KBTBD13: variants seen among roughly 807,000 people sequenced by gnomAD.
KBTBD13 encodes the protein kelch repeat and BTB domain-containing protein 13.
Under a neutral mutation model 25.4 loss-of-function variants are expected in KBTBD13, and 32 were observed. The ratio of observed to expected loss-of-function variants is 1.26; its 90% confidence interval spans 0.95 to 1.69. KBTBD13 has a LOEUF of 1.69. KBTBD13 is among the 40% of genes most tolerant of loss of function. The pLI, the probability that KBTBD13 is intolerant of heterozygous loss-of-function variation, is 0.00. For missense variants in KBTBD13, 898 were observed against 679.5 expected (o/e 1.32, Z -3.57); for synonymous variants, 436 against 329.8 (o/e 1.32, Z -3.49).
chr15:65,077,138 T>C lies in KBTBD13; in HGVS notation c.323T>C (p.Leu108Ser), dbSNP rs1485345007. 6.6e-7 allele frequency: 1 copy of C among 1,517,828 alleles called. No individual in the cohort carries two copies. The highest frequency in any genetic ancestry group is 2.0e-5 in the Admixed American group (1 of 49,210). 94.0% of individuals were successfully genotyped at this position (1,517,828 alleles called of 1,614,324 possible). A position where few individuals can be genotyped will look rare whatever the true frequency, so the allele number is the denominator to read the frequency against. The change falls in exon 1 of 1, where the codon TTG (leucine) becomes TCG (serine). Residue 108 changes from leucine (L) to serine (S), a missense_variant. Transcript: ENST00000432196. ...AACCTCACGTCGGACAACTGCGCAT[T>C]GCTGTGCGACGCGGCCGCCGCCTTC... is the stretch of plus-strand genomic sequence containing the variant. ...EHNLTSDNCA[L>S]LCDAAAAFGL...
Position 65,076,983 on chromosome 15 carries a change from A to C in KBTBD13, c.168A>C (p.Gly56=), listed in dbSNP as rs1339755233. 1 of 1,538,386 alleles carries C rather than the reference A, an allele frequency of 6.5e-7. No homozygotes were observed. Residue 56 remains glycine (G), a synonymous_variant, in exon 1 of 1, where the codon GGA becomes GGC. Coordinates refer to ENST00000432196, the MANE Select transcript of KBTBD13 (RefSeq NM_001101362.3). ...TGCGCCTGGGCGTTCTGAGCGCGGG[A>C]GGTTTCCGCGCCACGCTGCAGGTGC... ...AEVRLGVLSA[G]GFRATLQVLR... is the part of the protein sequence containing the mutation.
In KBTBD13 at chr15:65,077,226, G is replaced by C. The variant is rs944865368; in HGVS notation, c.411G>C (p.Ala137=). The C allele has an allele frequency of 1.4e-6, 2 of 1,441,066 alleles. No homozygotes were observed. The highest frequency in any genetic ancestry group is 1.8e-6 in the Non-Finnish European group (2 of 1,098,580). 89.3% of individuals were successfully genotyped at this position (1,441,066 alleles called of 1,614,324 possible). A position where few individuals can be genotyped will look rare whatever the true frequency, so the allele number is the denominator to read the frequency against. ...TCTGCGACGGCGAGCGCGAGCTGGC[G>C]GCCGAACTGGCGCTGCCTGAGGCCC... ...LFICDGEREL[A]AELALPEARA... is the part of the protein sequence containing the mutation. The change falls in exon 1 of 1, where the codon GCG becomes GCC. Residue 137 remains alanine, a synonymous_variant. Transcript: ENST00000432196.
Position 65,077,592 on chromosome 15 carries a change from C to T in KBTBD13, c.777C>T (p.Arg259=). The change falls in exon 1 of 1, where the codon CGC becomes CGT. Residue 259 remains arginine, a synonymous_variant. Coordinates refer to ENST00000432196, the MANE Select transcript of KBTBD13 (RefSeq NM_001101362.3). The part of the protein sequence containing the change: ...YDTALAGFDG[R]LYAIGGEFQR... ...CAGCGCTGGCCGGCTTCGACGGCCG[C>T]CTCTACGCCATCGGCGGCGAATTCC... 6.4e-7 allele frequency: 1 copy of T among 1,572,184 alleles called. No individual in the cohort carries two copies. The highest frequency in any genetic ancestry group is 1.7e-4 in the Middle Eastern group (1 of 5,992).
At position 65,077,197 on chromosome 15, in the gene KBTBD13, T is replaced by C. The variant is rs572875121; in HGVS notation, c.382T>C (p.Phe128Leu). The C allele has an allele frequency of 2.1e-5, 31 of 1,459,006 alleles. No individual in the cohort carries two copies. In the African/African-American group the frequency reaches 3.7e-4, roughly 17 times the overall value. The allele number at this position is 1,459,006 out of a possible 1,614,324, so 90.4% of individuals were successfully genotyped here. ...LRDVFHSAALFICDGERELAA... is the reference protein window; with the variant it reads ...LRDVFHSAALLICDGERELAA... ...CGACGTGTTCCACAGTGCCGCGCTC[T>C]TCATCTGCGACGGCGAGCGCGAGCT... The change falls in exon 1 of 1, where the codon TTC becomes CTC. Residue 128 changes from phenylalanine (F) to leucine (L), a missense_variant. Coordinates refer to ENST00000432196, the MANE Select transcript of KBTBD13 (RefSeq NM_001101362.3).
Position 65,077,061 on chromosome 15 carries a change from G to C in KBTBD13, c.246G>C (p.Val82=), listed in dbSNP as rs115182478. 2,238 of 1,512,498 alleles carry C rather than the reference G, an allele frequency of 1.5e-3. 27 individuals are homozygous for C. In the African/African-American group the frequency reaches 0.023, roughly 16 times the overall value. The allele number at this position is 1,512,498 out of a possible 1,614,324, so 93.7% of individuals were successfully genotyped here. The stretch of plus-strand genomic sequence containing the variant: ...CGGAGGACGAGCTGCTGCAGGCCGT[G>C]GAGTGCGCCGCCTTCCTCCAGGCGC... The part of the protein sequence containing the change: ...LAAEDELLQA[V]ECAAFLQAPA... The change falls in exon 1 of 1, where the codon GTG becomes GTC. Residue 82 remains valine, a synonymous_variant. Coordinates refer to ENST00000432196, the MANE Select transcript of KBTBD13 (RefSeq NM_001101362.3).
rs748599461 is a variant in KBTBD13 at position 65,078,595 on chromosome 15, C to A, written c.*403C>A. Among the ~76,000 whole-genome samples, 31 of 152,154 alleles carry A rather than the reference C, an allele frequency of 2.0e-4. No homozygotes were observed. Among genetic ancestry groups the A allele is most frequent in the Non-Finnish European group, 3.5e-4 (24 of 68,036 alleles). ...TTATGCGTAATGAGAGCCGTAGTTG[C>A]CACACAGGGATCCAGGAAGCTTAAA... On this transcript the variant is annotated 3_prime_UTR_variant, in exon 1 of 1. Transcript: ENST00000432196.
chr15:65,076,758 G>C lies in KBTBD13; in HGVS notation c.-58G>C. On this transcript the variant is annotated 5_prime_UTR_variant, in exon 1 of 1. Coordinates refer to ENST00000432196, the MANE Select transcript of KBTBD13 (RefSeq NM_001101362.3). Reference sequence around the variant, plus strand: ...AGTTTTTTGCTCCAGGGGAGCCCCAGAGTTGGTGGCTGGCTAACCCAAGGC... The same window carrying C: ...AGTTTTTTGCTCCAGGGGAGCCCCACAGTTGGTGGCTGGCTAACCCAAGGC... The C allele has an allele frequency of 6.9e-7, 1 of 1,451,958 alleles. No homozygotes were observed. The highest frequency in any genetic ancestry group is 9.1e-7 in the Non-Finnish European group (1 of 1,097,532). 89.9% of individuals were successfully genotyped at this position (1,451,958 alleles called of 1,614,324 possible).
At position 65,079,285 on chromosome 15, in the gene KBTBD13, A is replaced by G. The variant is rs1043802907; in HGVS notation, c.*1093A>G. Among the ~76,000 whole-genome samples, 10 of 151,966 alleles carry G rather than the reference A, an allele frequency of 6.6e-5. 1 individual carries two copies. The highest frequency in any genetic ancestry group is 1.7e-4 in the African/African-American group (7 of 41,360). On this transcript the variant is annotated 3_prime_UTR_variant, in exon 1 of 1. Transcript: ENST00000432196. The stretch of plus-strand genomic sequence containing the variant: ...TTCCTGTCCTATTCTGCCCTTTGCA[A>G]TTCCCTGGGCTGGAATGCCTAGTCT...
In KBTBD13 at chr15:65,076,980, G is replaced by T; in HGVS notation, c.165G>T (p.Ala55=). The change falls in exon 1 of 1, where the codon GCG becomes GCT. Residue 55 remains alanine, a synonymous_variant. Coordinates refer to ENST00000432196, the MANE Select transcript of KBTBD13 (RefSeq NM_001101362.3). ...AAEVRLGVLS[A]GGFRATLQVL... ...AGGTGCGCCTGGGCGTTCTGAGCGC[G>T]GGAGGTTTCCGCGCCACGCTGCAGG... 6.5e-7 allele frequency: 1 copy of T among 1,540,490 alleles called. No homozygotes were observed. The highest frequency in any genetic ancestry group is 8.7e-7 in the Non-Finnish European group (1 of 1,149,628).
In KBTBD13 at chr15:65,077,340, C is replaced by T. The variant is rs1373801213; in HGVS notation, c.525C>T (p.Arg175=). 1 of 1,465,386 alleles carries T rather than the reference C, an allele frequency of 6.8e-7. No homozygotes were observed. Among genetic ancestry groups the T allele is most frequent in the Non-Finnish European group, 9.0e-7 (1 of 1,109,468 alleles). 90.8% of individuals were successfully genotyped at this position (1,465,386 alleles called of 1,614,324 possible). A position where few individuals can be genotyped will look rare whatever the true frequency, so the allele number is the denominator to read the frequency against. The change falls in exon 1 of 1, where the codon CGC becomes CGT. Residue 175 remains arginine (R), a synonymous_variant. Coordinates refer to ENST00000432196, the MANE Select transcript of KBTBD13 (RefSeq NM_001101362.3). ...CCGGCTTCCTGGAGGACGCCTCGCG[C>T]ACGCTGTGTTACCTGGACGAGGAAG... The part of the protein sequence containing the change: ...PAPGFLEDAS[R]TLCYLDEEED...
rs771468637 is a variant in KBTBD13 at position 65,077,703 on chromosome 15, C to CG, written c.890dup (p.Val298ArgfsTer104). 1.6e-5 allele frequency: 25 copies of CG among 1,578,958 alleles called. No homozygotes were observed. Among genetic ancestry groups the CG allele is most frequent in the African/African-American group, 2.7e-5 (2 of 74,176 alleles). ...TGGCCGACCTGCCGCAGCCGGCCGC[C>CG]GGCGTGCCCTGCGCCCAGGCTTGTG... is the stretch of plus-strand genomic sequence containing the variant. On this transcript the variant is annotated frameshift_variant, in exon 1 of 1. Transcript: ENST00000432196. LOFTEE classifies it high-confidence loss of function.
Position 65,077,196 on chromosome 15 carries a change from C to T in KBTBD13, c.381C>T (p.Leu127=), listed in dbSNP as rs748278001. The change falls in exon 1 of 1, where the codon CTC becomes CTT. Residue 127 remains leucine, a synonymous_variant. Coordinates refer to ENST00000432196, the MANE Select transcript of KBTBD13 (RefSeq NM_001101362.3). The stretch of plus-strand genomic sequence containing the variant: ...GCGACGTGTTCCACAGTGCCGCGCT[C>T]TTCATCTGCGACGGCGAGCGCGAGC... ...GLRDVFHSAA[L]FICDGERELA... 1.4e-6 allele frequency: 2 copies of T among 1,460,166 alleles called. No individual in the cohort carries two copies. Among genetic ancestry groups the T allele is most frequent in the African/African-American group, 1.5e-5 (1 of 67,640 alleles). 90.5% of individuals were successfully genotyped at this position (1,460,166 alleles called of 1,614,324 possible).
Position 65,078,092 on chromosome 15 carries a change from A to C in KBTBD13, c.1277A>C (p.Glu426Ala), listed in dbSNP as rs1195181970. The change falls in exon 1 of 1, where the codon GAG (glutamate) becomes GCG (alanine). Residue 426 changes from glutamate to alanine, a missense_variant. Physicochemically the swap from Glu to Ala is moderately radical, Grantham distance 107. Coordinates refer to ENST00000432196, the MANE Select transcript of KBTBD13 (RefSeq NM_001101362.3). ...IEGGTWRLLR[E>A]KAGFPRPGSL... Reference sequence around the variant, plus strand: ...GGCGGCACCTGGCGGCTGCTCAGGGAGAAAGCCGGCTTCCCGCGGCCCGGC... The same window carrying C: ...GGCGGCACCTGGCGGCTGCTCAGGGCGAAAGCCGGCTTCCCGCGGCCCGGC... The C allele has an allele frequency of 6.3e-7, 1 of 1,592,376 alleles. No individual in the cohort carries two copies. The highest frequency in any genetic ancestry group is 2.3e-5 in the East Asian group (1 of 44,428).
rs930704522 is a variant in KBTBD13, at chr15:65,077,108, A to G, written c.293A>G (p.Glu98Gly). The G allele has an allele frequency of 3.3e-6, 5 of 1,523,312 alleles. No homozygotes were observed. The highest frequency in any genetic ancestry group is 2.8e-5 in the African/African-American group (2 of 70,818). The allele number at this position is 1,523,312 out of a possible 1,614,324, so 94.4% of individuals were successfully genotyped here. A position where few individuals can be genotyped will look rare whatever the true frequency, so the allele number is the denominator to read the frequency against. Residue 98 changes from glutamate (E) to glycine (G), a missense_variant, in exon 1 of 1, where the codon GAG becomes GGG. Physicochemically the swap from Glu to Gly is moderately conservative, Grantham distance 98. Coordinates refer to ENST00000432196, the MANE Select transcript of KBTBD13 (RefSeq NM_001101362.3). ...GCGCCGGCGCTGGCTCGCTTTCTGGAGCACAACCTCACGTCGGACAACTGC... is the reference window on the plus strand; with the variant it reads ...GCGCCGGCGCTGGCTCGCTTTCTGGGGCACAACCTCACGTCGGACAACTGC... ...LQAPALARFLEHNLTSDNCAL... is the reference protein window; with the variant it reads ...LQAPALARFLGHNLTSDNCAL...
rs1177680610 is a variant in KBTBD13, at chr15:65,077,887, A to G, written c.1072A>G (p.Asn358Asp). ...AHRDSLYVVR[N>D]GPSDDFLHCA... is the part of the protein sequence containing the mutation. ...CCGCGACAGCCTCTATGTGGTGCGC[A>G]ACGGACCTTCCGACGACTTCCTGCA... Residue 358 changes from asparagine (N) to aspartate (D), a missense_variant, in exon 1 of 1, where the codon AAC (asparagine) becomes GAC (aspartate). Coordinates refer to ENST00000432196, the MANE Select transcript of KBTBD13 (RefSeq NM_001101362.3). The G allele has an allele frequency of 6.2e-7, 1 of 1,611,794 alleles. No individual in the cohort carries two copies. The highest frequency in any genetic ancestry group is 1.7e-5 in the Admixed American group (1 of 60,014).
At position 65,079,499 on chromosome 15, in the gene KBTBD13, G is replaced by A. The variant is rs1483521563; in HGVS notation, c.*1307G>A. Among the ~76,000 whole-genome samples the A allele has an allele frequency of 6.6e-6, 1 of 152,210 alleles. No individual in the cohort carries two copies. The highest frequency in any genetic ancestry group is 2.4e-5 in the African/African-American group (1 of 41,454). ...GTTAAGTGAGCTGGGGGACTTCCCT[G>A]TCCCAGATTAAAATGATGATGCCTT... On this transcript the variant is annotated 3_prime_UTR_variant, in exon 1 of 1. Coordinates refer to ENST00000432196, the MANE Select transcript of KBTBD13 (RefSeq NM_001101362.3).
chr15:65,077,467 C>G lies in KBTBD13; in HGVS notation c.652C>G (p.Arg218Gly). 2 of 1,523,976 alleles carry G rather than the reference C, an allele frequency of 1.3e-6. No individual in the cohort carries two copies. Among genetic ancestry groups the G allele is most frequent in the Middle Eastern group, 1.9e-4 (1 of 5,160 alleles). 94.4% of individuals were successfully genotyped at this position (1,523,976 alleles called of 1,614,324 possible). A position where few individuals can be genotyped will look rare whatever the true frequency, so the allele number is the denominator to read the frequency against. ...GNKLYIVGGV[R>G]GASKEVVELG... ...CAAGCTTTACATCGTGGGGGGCGTGCGCGGCGCCAGCAAGGAGGTGGTAGA... is the reference window on the plus strand; with the variant it reads ...CAAGCTTTACATCGTGGGGGGCGTGGGCGGCGCCAGCAAGGAGGTGGTAGA... Residue 218 changes from arginine to glycine, a missense_variant, in exon 1 of 1, where the codon CGC becomes GGC. By Grantham distance (125) the Arg-to-Gly change is moderately radical. Coordinates refer to ENST00000432196, the MANE Select transcript of KBTBD13 (RefSeq NM_001101362.3).
In KBTBD13 at chr15:65,077,636, C is replaced by T; in HGVS notation, c.821C>T (p.Ser274Phe). The T allele has an allele frequency of 6.3e-7, 1 of 1,591,018 alleles. No individual in the cohort carries two copies. Among genetic ancestry groups the T allele is most frequent in the Non-Finnish European group, 8.5e-7 (1 of 1,174,794 alleles). Residue 274 changes from serine to phenylalanine, a missense_variant, in exon 1 of 1, where the codon TCC becomes TTC. Coordinates refer to ENST00000432196, the MANE Select transcript of KBTBD13 (RefSeq NM_001101362.3). ...GGEFQRTPISSVERYDPAAGC... is the reference protein window; with the variant it reads ...GGEFQRTPISFVERYDPAAGC... ...GAATTCCAGAGGACGCCCATCAGCT[C>T]CGTGGAGCGCTACGACCCAGCCGCG... is the stretch of plus-strand genomic sequence containing the variant.
At position 65,077,784 on chromosome 15, in the gene KBTBD13, C is replaced by T. The variant is rs568613948; in HGVS notation, c.969C>T (p.Tyr323=). The change falls in exon 1 of 1, where the codon TAC becomes TAT. Residue 323 remains tyrosine (Y), a synonymous_variant. Transcript: ENST00000432196. The part of the protein sequence containing the change: ...RPADTTAVVE[Y]AVRTDAWLPV... Reference sequence around the variant, plus strand: ...CCGACACCACCGCCGTGGTGGAGTACGCAGTGCGGACCGACGCGTGGCTGC... The same window carrying T: ...CCGACACCACCGCCGTGGTGGAGTATGCAGTGCGGACCGACGCGTGGCTGC... 1.9e-6 allele frequency: 3 copies of T among 1,587,698 alleles called. No individual in the cohort carries two copies. Among genetic ancestry groups the T allele is most frequent in the African/African-American group, 2.7e-5 (2 of 74,594 alleles).
Sources: gnomAD v4.1 joint callset for allele counts (sites outside exome capture counted in the v4.1 genomes callset) on GRCh38, gnomAD v4.1.1 for gene constraint, MANE v1.5 for transcripts, NCBI Gene and HGNC (gene_info 2026-07-23, HGNC 2026-07-21) for gene names.